N4BP2: variants seen among roughly 807,000 people sequenced by gnomAD.
N4BP2 encodes NEDD4-binding protein 2.
A neutral mutation model predicts 152.8 loss-of-function variants in N4BP2; 91 were observed. The observed-to-expected ratio is 0.60, with a 90% CI of 0.50 to 0.71. The LOEUF (loss-of-function observed/expected upper bound fraction) is 0.71. Among genes scored for constraint, N4BP2 ranks in the 30% least tolerant of loss-of-function variants. The probability of loss-of-function intolerance (pLI) is 0.00; values close to 1 mark genes in which losing one functional copy is unlikely to be tolerated. For missense variants in N4BP2, 1,923 were observed against 2,059.1 expected, an observed-to-expected ratio of 0.93 and a Z score of 1.28; for synonymous variants, 646 against 705.3, an observed-to-expected ratio of 0.92 and a Z score of 1.33.
At chr4:40,174,802 A>C in the N4BP2 span, among the ~76,000 whole-genome samples, 2 of 152,062 alleles carry the variant, frequency 1.3e-5, no homozygotes, top group Non-Finnish European at 2.9e-5. Flanking sequence ...ATGCTGTCAC[A>C]AAACAAACAA....
intron 2 of N4BP2, among the ~76,000 whole-genome samples, chr4:40,080,719 G>T (rs7670176): frequency 6.6e-6 from 1 of 151,598 alleles, no homozygotes; most frequent in Admixed American, 6.6e-5. Flanking sequence ...GTGCAGTGGC[G>T]TGATCTTGGC....
In N4BP2 at chr4:40,123,108, C is replaced by G. The variant is rs953109111; in HGVS notation, c.4199-19C>G. 7 of 1,530,388 alleles carry G rather than the reference C, an allele frequency of 4.6e-6. No homozygotes were observed. The highest frequency in any genetic ancestry group is 6.3e-6 in the Non-Finnish European group (7 of 1,112,316). 94.8% of individuals were successfully genotyped at this position (1,530,388 alleles called of 1,614,324 possible). On this transcript the variant is annotated intron_variant, in intron 9 of 17. Coordinates refer to ENST00000261435, the MANE Select transcript of N4BP2 (RefSeq NM_018177.6). ...ATGAGTAATGATTACATTTTCTTCC[C>G]TCCCCCTTCCCCCACAAGGGTCTCT...
At chr4:40,076,759 A>T (rs1337717539) in intron 2 of N4BP2, among the ~76,000 whole-genome samples, 2 of 152,172 alleles carry the variant, frequency 1.3e-5, no homozygotes, top group Non-Finnish European at 2.9e-5. Flanking sequence ...AAGTGCTGGG[A>T]TTACAGGTGT....
intron 16 of N4BP2, among the ~76,000 whole-genome samples, chr4:40,147,576 CG>C (rs1228387736): frequency 6.8e-6 from 1 of 147,998 alleles, no homozygotes; most frequent in Middle Eastern, 3.6e-3. Flanking sequence ...GGCGGCTGGC[CG>C]GGTGGGGGCT....
At chr4:40,085,311 C>T (rs925670202) in intron 2 of N4BP2, among the ~76,000 whole-genome samples, 2 of 152,182 alleles carry the variant, frequency 1.3e-5, no homozygotes, top group African/African-American at 2.4e-5. Context: ...GCTGGGATTA[C>T]AGGCCTGAGT....
At chr4:40,101,471 T>G (rs1178127840) in intron 3 of N4BP2, among the ~76,000 whole-genome samples, 1 of 152,230 alleles carries the variant, frequency 6.6e-6, no homozygotes, top group Non-Finnish European at 1.5e-5. Context: ...TGTGCATTAT[T>G]TAATCTGTAT....
At chr4:40,100,524 C>T (rs2732076) in intron 3 of N4BP2, among the ~76,000 whole-genome samples, 12,463 of 151,896 alleles carry the variant, frequency 0.082, 971 homozygotes, top group East Asian at 0.42. Context: ...TGGTACTATA[C>T]GCACATGCTA....
Position 40,117,870 on chromosome 4 carries a change from C to T in N4BP2, c.1666C>T (p.Arg556Cys), listed in dbSNP as rs139764100. Residue 556 changes from arginine (R) to cysteine (C), a missense_variant and splice_region_variant, in exon 8 of 18, where the codon CGT (arginine) becomes TGT (cysteine). Coordinates refer to ENST00000261435, the MANE Select transcript of N4BP2 (RefSeq NM_018177.6). ...CCTTTTTTCCCCTGGAATTTTCAGG[C>T]GTAACATTCATGGGGTAAGCAAAGA... ...WKFKPKELAR[R>C]NIHGVSKEKI... 6.9e-5 allele frequency: 110 copies of T among 1,597,464 alleles called. No homozygotes were observed. Among genetic ancestry groups the T allele is most frequent in the Non-Finnish European group, 8.5e-5 (100 of 1,172,968 alleles).
chr4:40,148,747 T>A (rs1720860668), intron 16 of N4BP2, among the ~76,000 whole-genome samples: 1 of 152,214 alleles, frequency 6.6e-6, no homozygotes. Context: ...ACCTTGGCCT[T>A]CCAAAGTGCT....
rs201104252 is a variant in N4BP2 at position 40,102,879 on chromosome 4, C to T, written c.1034C>T (p.Pro345Leu). 4.4e-4 allele frequency: 711 copies of T among 1,614,174 alleles called. 9 individuals are homozygous for T. In the South Asian group the frequency reaches 6.9e-3, roughly 16 times the overall value. ...AAGGGGAAGGATGTGAGTTACTGCC[C>T]GGTACTTGCTCCTCTCCCATTGCTG... is the stretch of plus-strand genomic sequence containing the variant. ...PTKGKDVSYC[P>L]VLAPLPLLLP... The change falls in exon 4 of 18, where the codon CCG (proline) becomes CTG (leucine). Residue 345 changes from proline to leucine, a missense_variant. Coordinates refer to ENST00000261435, the MANE Select transcript of N4BP2 (RefSeq NM_018177.6).
At chr4:40,138,457 T>C (rs67534535) in intron 14 of N4BP2, among the ~76,000 whole-genome samples, 44,646 of 152,108 alleles carry the variant, frequency 0.29, 6,822 homozygotes, top group South Asian at 0.47. Context: ...CTACTTTTGC[T>C]ATGTTGCCTG....
intron 2 of N4BP2, among the ~76,000 whole-genome samples, chr4:40,092,554 A>G (rs1254066216): frequency 6.6e-6 from 1 of 151,420 alleles, no homozygotes; most frequent in Non-Finnish European, 1.5e-5. Flanking sequence ...TTTCAGTTTT[A>G]TAGATCATTT....
At chr4:40,116,411 T>A (rs1717337369) in intron 7 of N4BP2, among the ~76,000 whole-genome samples, 1 of 152,184 alleles carries the variant, frequency 6.6e-6, no homozygotes, top group Non-Finnish European at 1.5e-5. Context: ...GTTGGATTTT[T>A]TTCCTATCAT....
chr4:40,102,697 A>G lies in N4BP2; in HGVS notation c.852A>G (p.Val284=). Residue 284 remains valine (V), a synonymous_variant, in exon 4 of 18, where the codon GTA becomes GTG. Coordinates refer to ENST00000261435, the MANE Select transcript of N4BP2 (RefSeq NM_018177.6). ...AGGCTCAATTCTCTGAAGCTCCTGTAGATTTGGATGCCAGTGAACCTCAGG... is the reference window on the plus strand; with the variant it reads ...AGGCTCAATTCTCTGAAGCTCCTGTGGATTTGGATGCCAGTGAACCTCAGG... ...CVEAQFSEAP[V]DLDASEPQAC... 6.2e-7 allele frequency: 1 copy of G among 1,614,194 alleles called. No individual in the cohort carries two copies. The highest frequency in any genetic ancestry group is 8.5e-7 in the Non-Finnish European group (1 of 1,180,042).
intron 2 of N4BP2, among the ~76,000 whole-genome samples, chr4:40,093,839 ATCCACCCACCTCGGCC>A (rs1714861532): frequency 1.3e-5 from 2 of 152,040 alleles, no homozygotes; most frequent in African/African-American, 4.8e-5. Flanking sequence ...ACCTCAGGCG[ATCCACCCACCTCGGCC>A]TCCCAAAGTG....
intron 2 of N4BP2, among the ~76,000 whole-genome samples, chr4:40,085,362 A>G (rs557170799): frequency 6.6e-6 from 1 of 152,346 alleles, no homozygotes; most frequent in South Asian, 2.1e-4. Context: ...TACACAAAGT[A>G]GAGATGTTCA....
At chr4:40,171,058 G>A in the N4BP2 span, among the ~76,000 whole-genome samples, 2 of 152,200 alleles carry the variant, frequency 1.3e-5, no homozygotes, top group South Asian at 4.1e-4. Flanking sequence ...TTTTATTTAG[G>A]GATGCCCAGT....
At chr4:40,080,310 G>GTA (rs140955860) in intron 2 of N4BP2, among the ~76,000 whole-genome samples, 75,030 of 146,946 alleles carry the variant, frequency 0.51, 20,137 homozygotes, top group South Asian at 0.64. Context: ...AGTGTGAGCT[G>GTA]TATATATATA....
chr4:40,075,546 T>A (rs1461690713), intron 2 of N4BP2, among the ~76,000 whole-genome samples: 1 of 152,088 alleles, frequency 6.6e-6, no homozygotes, highest in East Asian at 1.9e-4. Flanking sequence ...TACAGGTGCA[T>A]GCCACCATGC....
Sources: gnomAD v4.1 joint callset for allele counts (sites outside exome capture counted in the v4.1 genomes callset) on GRCh38, gnomAD v4.1.1 for gene constraint, MANE v1.5 for transcripts, NCBI Gene and HGNC (gene_info 2026-07-23, HGNC 2026-07-21) for gene names.